CADPS2: variants seen among roughly 807,000 people sequenced by gnomAD.
CADPS2 encodes the protein calcium dependent secretion activator 2.
CADPS2 carries 93 observed loss-of-function variants against 172.5 expected under a neutral mutation model. The observed-to-expected ratio is 0.54, with a 90% CI of 0.46 to 0.64. CADPS2 has a LOEUF of 0.64. Ranked by LOEUF, CADPS2 falls within the 30% of genes least tolerant of loss-of-function variation. CADPS2 has a pLI of 0.00. For missense variants in CADPS2, 1,420 were observed against 1,565.9 expected (o/e 0.91, Z 1.57); for synonymous variants, 546 against 555.2 (o/e 0.98, Z 0.23).
chr7:122,331,601 T>C (rs973353583), intron 28 of CADPS2, among the ~76,000 whole-genome samples: 2 of 152,194 alleles, frequency 1.3e-5, no homozygotes. Flanking sequence ...ATCACGCCAC[T>C]GCACTCCTGC....
At chr7:122,596,133 G>A (rs2071736076) in intron 6 of CADPS2, among the ~76,000 whole-genome samples, 1 of 152,148 alleles carries the variant, frequency 6.6e-6, no homozygotes, top group African/African-American at 2.4e-5. Context: ...AGGGAAGGGA[G>A]CCCCACCTGC....
chr7:122,467,119 T>G (rs2055251365), intron 14 of CADPS2, among the ~76,000 whole-genome samples: 1 of 152,212 alleles, frequency 6.6e-6, no homozygotes, highest in Non-Finnish European at 1.5e-5. Context: ...CCATCCCTTC[T>G]GCCTTTGCAC....
intron 1 of CADPS2, among the ~76,000 whole-genome samples, chr7:122,878,009 G>T (rs535448790): frequency 1.1e-5 from 1 of 92,308 alleles, no homozygotes; most frequent in East Asian, 3.8e-4. Flanking sequence ...TTTAAAAAGT[G>T]GCACTTTGGG....
chr7:122,384,149 C>T (rs1372047499), intron 24 of CADPS2, among the ~76,000 whole-genome samples: 1 of 152,096 alleles, frequency 6.6e-6, no homozygotes, highest in African/African-American at 2.4e-5. Context: ...GCAGATCATT[C>T]ACCCACTAAT....
intron 25 of CADPS2, among the ~76,000 whole-genome samples, chr7:122,361,541 C>T (rs1351677594): frequency 1.3e-5 from 2 of 151,746 alleles, no homozygotes; most frequent in Non-Finnish European, 2.9e-5. Context: ...CAATAATACA[C>T]AATTTTTAAA....
chr7:122,392,452 T>A (rs2044502023), intron 22 of CADPS2, among the ~76,000 whole-genome samples: 1 of 151,962 alleles, frequency 6.6e-6, no homozygotes, highest in South Asian at 2.1e-4. Flanking sequence ...GTTTTAGAGT[T>A]GAGGAAAAAA....
intron 3 of CADPS2, among the ~76,000 whole-genome samples, chr7:122,638,760 A>G (rs569944795): frequency 6.6e-6 from 1 of 152,288 alleles, no homozygotes; most frequent in East Asian, 1.9e-4. Context: ...CCCTGTGTTG[A>G]GGAGCTTCTC....
At chr7:122,554,138 G>T (rs779306219) in intron 8 of CADPS2, among the ~76,000 whole-genome samples, 2 of 150,400 alleles carry the variant, frequency 1.3e-5, no homozygotes, top group Non-Finnish European at 3.0e-5. Context: ...AGCCTCGTTG[G>T]GTTACATCTA....
chr7:122,529,574 T>C (rs1408659772), intron 8 of CADPS2, among the ~76,000 whole-genome samples: 1 of 152,024 alleles, frequency 6.6e-6, no homozygotes, highest in East Asian at 1.9e-4. Flanking sequence ...TCTTAATGAG[T>C]AACAACCATT....
intron 8 of CADPS2, among the ~76,000 whole-genome samples, chr7:122,539,047 C>A (rs2062630452): frequency 6.6e-6 from 1 of 152,032 alleles, no homozygotes. Context: ...CACACACATA[C>A]TACACATTTT....
intron 9 of CADPS2, among the ~76,000 whole-genome samples, chr7:122,494,238 T>TA (rs1226474898): frequency 1.3e-5 from 2 of 152,178 alleles, no homozygotes; most frequent in Admixed American, 6.6e-5. Flanking sequence ...GGAGAACTCT[T>TA]ACTGATACAG....
intron 1 of CADPS2, among the ~76,000 whole-genome samples, chr7:122,793,974 T>C (rs1795832936): frequency 1.3e-5 from 2 of 152,162 alleles, no homozygotes; most frequent in Non-Finnish European, 2.9e-5. Context: ...TTCTGGTTTG[T>C]AGGGTTTCTG....
At chr7:122,415,240 T>C (rs2047741963) in intron 18 of CADPS2, among the ~76,000 whole-genome samples, 1 of 152,200 alleles carries the variant, frequency 6.6e-6, no homozygotes, top group Non-Finnish European at 1.5e-5. Flanking sequence ...TTATGATTGT[T>C]TTCTACTAAA....
intron 24 of CADPS2, 151 bp from the exon 25 acceptor site, chr7:122,379,593 T>C: frequency 1.6e-6 from 1 of 621,454 alleles, no homozygotes. Context: ...TTGAAAATGA[T>C]CCACCCAGTC....
chr7:122,650,222 T>C (rs1384084847), intron 3 of CADPS2, among the ~76,000 whole-genome samples: 2 of 151,692 alleles, frequency 1.3e-5, no homozygotes, highest in Non-Finnish European at 2.9e-5. Flanking sequence ...TGAACATTTT[T>C]GAATAAATAA....
intron 1 of CADPS2, among the ~76,000 whole-genome samples, chr7:122,866,097 T>C (rs867077484): frequency 1.3e-5 from 2 of 152,264 alleles, no homozygotes; most frequent in African/African-American, 4.8e-5. Flanking sequence ...TGCTGCTTTC[T>C]ATTTTAAGTT....
At chr7:122,796,432 G>A (rs1288412541) in intron 1 of CADPS2, among the ~76,000 whole-genome samples, 1 of 152,120 alleles carries the variant, frequency 6.6e-6, no homozygotes, top group Non-Finnish European at 1.5e-5. Context: ...AATGAACAAA[G>A]GTGGAGGCAT....
chr7:122,602,424 C>T lies in CADPS2; in HGVS notation c.1223+12757G>A, dbSNP rs186061386. ...GAAGCTAAAAAATGAACATCTTTTG[C>T]TCTGAAGCTATACATAAGTCACTAG... On this transcript the variant is annotated intron_variant, in intron 6 of 29. Transcript: ENST00000449022. 6.0e-3 allele frequency among the ~76,000 whole-genome samples: 913 copies of T among 152,092 alleles called. 6 individuals carry two copies. Among genetic ancestry groups the T allele is most frequent in the Non-Finnish European group, 0.012 (791 of 67,956 alleles).
chr7:122,839,227 T>C (rs886210185), intron 1 of CADPS2, among the ~76,000 whole-genome samples: 12 of 152,222 alleles, frequency 7.9e-5, no homozygotes, highest in Non-Finnish European at 1.5e-4. Context: ...GCTAGCCTTA[T>C]GTAGACAGCT....
Sources: allele counts gnomAD v4.1 joint callset (sites outside exome capture counted in the v4.1 genomes callset), GRCh38; gene constraint gnomAD v4.1.1; transcripts MANE v1.5; gene names NCBI Gene and HGNC (gene_info 2026-07-23, HGNC 2026-07-21).